RDX: variants seen among roughly 807,000 people sequenced by gnomAD.
RDX encodes radixin, also known as deafness, autosomal recessive 24.
In RDX, 32 loss-of-function variants were observed where a neutral mutation model predicts 83.7. The observed-to-expected ratio is 0.38, with a 90% confidence interval of 0.29 to 0.51. The LOEUF (loss-of-function observed/expected upper bound fraction) is 0.51. Among genes scored for constraint, RDX ranks in the 20% least tolerant of loss-of-function variants. The pLI, the probability that RDX is intolerant of heterozygous loss-of-function variation, is 0.87. For missense variants in RDX, 600 were observed against 689.9 expected (o/e 0.87, Z 1.46); for synonymous variants, 229 against 222.7 (o/e 1.03, Z -0.25).
chr11:110,216,132 G>C (rs529161709), intron 14 of RDX, among the ~76,000 whole-genome samples: 16 of 152,126 alleles, frequency 1.1e-4, no homozygotes, highest in Non-Finnish European at 2.1e-4. Flanking sequence ...CATGGCTTAG[G>C]AAGCTCCTGT....
At chr11:110,283,169 T>C (rs1350202233) in intron 1 of RDX, among the ~76,000 whole-genome samples, 1 of 152,222 alleles carries the variant, frequency 6.6e-6, no homozygotes, top group Non-Finnish European at 1.5e-5. Context: ...TTCTTTTTTT[T>C]TGGAGATGGA....
rs1400701570 is a variant in RDX, at chr11:110,230,455, T to C, written c.*1414A>G. On this transcript the variant is annotated 3_prime_UTR_variant, in exon 14 of 14. Coordinates refer to ENST00000645495, the MANE Select transcript of RDX (RefSeq NM_002906.4). ...AATTTAAGTATTTTTAGTCAGAGATTGAAACAAAATAAGCACAGTGATCTA... is the reference window on the plus strand; with the variant it reads ...AATTTAAGTATTTTTAGTCAGAGATCGAAACAAAATAAGCACAGTGATCTA... 1 of 152,088 alleles carries C rather than the reference T, an allele frequency of 6.6e-6. No homozygotes were observed. Among genetic ancestry groups the C allele is most frequent in the Non-Finnish European group, 1.5e-5 (1 of 67,984 alleles). 9.4% of individuals were successfully genotyped at this position (152,088 alleles called of 1,614,324 possible).
intron 7 of RDX, among the ~76,000 whole-genome samples, chr11:110,257,503 C>T (rs1158544930): frequency 1.3e-5 from 2 of 152,114 alleles, no homozygotes; most frequent in Non-Finnish European, 2.9e-5. Context: ...AGACATAACT[C>T]ACAAGAGCTA....
chr11:110,262,513 G>A lies in RDX; in HGVS notation c.467+1447C>T, dbSNP rs112111047. Among the ~76,000 whole-genome samples, 66 of 152,006 alleles carry A rather than the reference G, an allele frequency of 4.3e-4. No homozygotes were observed. The Middle Eastern group carries it at 0.01, about 24-fold the overall frequency. Reference sequence around the variant, plus strand: ...TGAGGCAGGAGAATCGCTTGAATCCGGGAGGCGGAGGTTGCAGTGAGCCGA... The same window carrying A: ...TGAGGCAGGAGAATCGCTTGAATCCAGGAGGCGGAGGTTGCAGTGAGCCGA... On this transcript the variant is annotated intron_variant, in intron 5 of 13. Transcript: ENST00000645495.
chr11:110,199,814 T>C (rs1863340935), intron 14 of RDX: 2 of 660,604 alleles, frequency 3.0e-6, no homozygotes, highest in Non-Finnish European at 5.6e-6. Context: ...ATGTAGGGCC[T>C]GTTATTGTCA....
chr11:110,289,956 C>CAAAAGAAAAAAA (rs1861153614), intron 1 of RDX, among the ~76,000 whole-genome samples: 1 of 35,486 alleles, frequency 2.8e-5, no homozygotes, highest in Non-Finnish European at 4.7e-5. Context: ...GAGACTGTCT[C>CAAAAGAAAAAAA]AAAAAAAAAA....
chr11:110,203,578 C>T (rs1863493478), intron 14 of RDX, among the ~76,000 whole-genome samples: 1 of 151,772 alleles, frequency 6.6e-6, no homozygotes, highest in Admixed American at 6.6e-5. Context: ...GATGGATACC[C>T]CATTTTCCAT....
intron 2 of RDX, 30 bp downstream of exon 2, chr11:110,279,651 A>T: frequency 7.1e-7 from 1 of 1,405,056 alleles, no homozygotes. Flanking sequence ...TATTATTGAG[A>T]CACTGTCAAA....
At chr11:110,195,243 C>T (rs187483938) in intron 15 of RDX, among the ~76,000 whole-genome samples, 109 of 152,160 alleles carry the variant, frequency 7.2e-4, no homozygotes, top group African/African-American at 2.5e-3. Flanking sequence ...GGATTACAGA[C>T]GTGAGCCACC....
Position 110,237,648 on chromosome 11 carries a change from T to C in RDX, c.1095A>G (p.Leu365=), listed in dbSNP as rs1864914951. 1 of 1,614,126 alleles carries C rather than the reference T, an allele frequency of 6.2e-7. No individual in the cohort carries two copies. The highest frequency in any genetic ancestry group is 8.5e-7 in the Non-Finnish European group (1 of 1,179,950). Residue 365 remains leucine (L), a synonymous_variant, in exon 11 of 14, where the codon CTA becomes CTG. Transcript: ENST00000645495. ...CTAGAGCTTTTCGAGTCTGTTCTTCTAGTTCTATGAAATATGTGTATTCCC... is the reference window on the plus strand; with the variant it reads ...CTAGAGCTTTTCGAGTCTGTTCTTCCAGTTCTATGAAATATGTGTATTCCC... ...EEQTIKAQKE[L]EEQTRKALEL...
At chr11:110,233,174 G>C in intron 13 of RDX, 63 bp downstream of exon 13, 1 of 1,597,548 alleles carries the variant, frequency 6.3e-7, no homozygotes, top group Non-Finnish European at 8.6e-7. Context: ...AACTAAGTTT[G>C]TCTAAGATGG....
At position 110,199,914 on chromosome 11, in the gene RDX, C is replaced by T. The variant is rs1314939956; in HGVS notation, c.1749-236G>A. Among the ~76,000 whole-genome samples the T allele has an allele frequency of 2.6e-5, 4 of 152,244 alleles. No individual in the cohort carries two copies. The East Asian group carries it at 7.7e-4, about 29-fold the overall frequency. On this transcript the variant is annotated intron_variant, in intron 14 of 15. Transcript: ENST00000528498. Reference sequence around the variant, plus strand: ...ATGTGGAAATAAGAATAACTTTAAACCTTCCTTTTAAATAGATGCTAGACT... The same window carrying T: ...ATGTGGAAATAAGAATAACTTTAAATCTTCCTTTTAAATAGATGCTAGACT...
intron 2 of RDX, among the ~76,000 whole-genome samples, chr11:110,278,497 A>G (rs1375120640): frequency 6.6e-6 from 1 of 152,074 alleles, no homozygotes; most frequent in Admixed American, 6.5e-5. Flanking sequence ...CTGTACATTT[A>G]TTACTAAGTG....
downstream of RDX, among the ~76,000 whole-genome samples, chr11:110,225,784 C>T (rs563099958): frequency 5.3e-5 from 8 of 151,892 alleles, no homozygotes; most frequent in Non-Finnish European, 1.0e-4. Flanking sequence ...CGATGGCTGA[C>T]GCCTGTAATC....
In RDX at chr11:110,263,945, G is replaced by A. The variant is rs373189827; in HGVS notation, c.467+15C>T. On this transcript the variant is annotated intron_variant, in intron 5 of 13. Coordinates refer to ENST00000645495, the MANE Select transcript of RDX (RefSeq NM_002906.4). ...AATTTTCAGACAATATAATGCAAAC[G>A]CATGTTTCACTTACCGCTGGGGTAG... is the stretch of plus-strand genomic sequence containing the variant. 1.9e-6 allele frequency: 3 copies of A among 1,608,258 alleles called. No individual in the cohort carries two copies. Among genetic ancestry groups the A allele is most frequent in the Non-Finnish European group, 8.5e-7 (1 of 1,175,412 alleles).
chr11:110,180,875 C>G lies in RDX; in HGVS notation c.*32-5641G>C, dbSNP rs1862873569. ...TTAGAAAATCGGAGCTCCAGCCCCC[C>G]TCTTGGATGTGCCCCGTGTTATATT... On this transcript the variant is annotated intron_variant, in intron 15 of 15. Coordinates refer to the RDX transcript ENST00000528498. 2.0e-5 allele frequency among the ~76,000 whole-genome samples: 3 copies of G among 152,104 alleles called. No individual in the cohort carries two copies. The South Asian group carries it at 6.2e-4, about 32-fold the overall frequency.
intron 15 of RDX, among the ~76,000 whole-genome samples, chr11:110,188,941 TAGA>T (rs1863043913): frequency 6.6e-6 from 1 of 151,858 alleles, no homozygotes; most frequent in Admixed American, 6.6e-5. Flanking sequence ...AACCGCACAA[TAGA>T]AACTACAAAA....
intron 11 of RDX, 155 bp from the exon 12 acceptor site, chr11:110,236,346 T>C (rs1393355141): frequency 1.6e-6 from 1 of 622,032 alleles, no homozygotes; most frequent in Non-Finnish European, 2.8e-6. Flanking sequence ...AAATAGCTTA[T>C]TTACAATAAG....
At chr11:110,223,144 AG>A (rs2134279778) in intron 14 of RDX, among the ~76,000 whole-genome samples, 1 of 152,188 alleles carries the variant, frequency 6.6e-6, no homozygotes, top group Non-Finnish European at 1.5e-5. Context: ...TGAGGTCAGG[AG>A]GTCAAAACCA....
Sources: allele counts gnomAD v4.1 joint callset (sites outside exome capture counted in the v4.1 genomes callset), GRCh38; gene constraint gnomAD v4.1.1; transcripts MANE v1.5; gene names NCBI Gene and HGNC (gene_info 2026-07-23, HGNC 2026-07-21).